HS6ST3: variants seen among roughly 807,000 people sequenced by gnomAD.
HS6ST3 encodes the protein heparan-sulfate 6-O-sulfotransferase 3.
HS6ST3 carries 12 observed loss-of-function variants against 36.7 expected under a neutral mutation model. The ratio of observed to expected loss-of-function variants is 0.33; its 90% CI spans 0.21 to 0.53. HS6ST3 has a LOEUF of 0.53. Ranked by LOEUF, HS6ST3 falls within the 20% of genes least tolerant of loss-of-function variation. The probability of loss-of-function intolerance (pLI) is 0.95; values close to 1 mark genes in which losing one functional copy is unlikely to be tolerated. For missense variants in HS6ST3, 584 were observed against 640.9 expected (o/e 0.91, Z 0.96); for synonymous variants, 240 against 257.5 (o/e 0.93, Z 0.65).
intron 1 of HS6ST3, among the ~76,000 whole-genome samples, chr13:96,549,374 G>T (rs1283379329): frequency 6.6e-6 from 1 of 152,158 alleles, no homozygotes; most frequent in Non-Finnish European, 1.5e-5. Context: ...GGAAGAAATG[G>T]TGGCATGAGG....
intron 1 of HS6ST3, among the ~76,000 whole-genome samples, chr13:96,489,527 ATTT>A (rs1009811575): frequency 6.6e-6 from 1 of 152,052 alleles, no homozygotes; most frequent in African/African-American, 2.4e-5. Context: ...TCCTAGTGAA[ATTT>A]TTTATTTCCA....
At chr13:96,348,295 G>C (rs1345128254) in intron 1 of HS6ST3, among the ~76,000 whole-genome samples, 1 of 152,198 alleles carries the variant, frequency 6.6e-6, no homozygotes, top group Non-Finnish European at 1.5e-5. Context: ...AAATTCATTA[G>C]AGTCAAGTTG....
At chr13:96,153,459 C>A (rs774713824) in intron 1 of HS6ST3, among the ~76,000 whole-genome samples, 1 of 152,120 alleles carries the variant, frequency 6.6e-6, no homozygotes, top group South Asian at 2.1e-4. Context: ...GTCTCTTCCC[C>A]CTCTGAGCCA....
At chr13:96,693,462 A>G (rs611830) in intron 1 of HS6ST3, among the ~76,000 whole-genome samples, 149,886 of 152,162 alleles carry the variant, frequency 0.99, 73,859 homozygotes, top group Middle Eastern at 1. Context: ...GCACCACCAC[A>G]CCCAGCTAAT....
chr13:96,742,373 G>A (rs1876462062), intron 1 of HS6ST3, among the ~76,000 whole-genome samples: 1 of 152,012 alleles, frequency 6.6e-6, no homozygotes, highest in Admixed American at 6.6e-5. Flanking sequence ...TTAATACAGA[G>A]ATATTCTTTT....
At chr13:96,254,713 A>C (rs956166393) in intron 1 of HS6ST3, among the ~76,000 whole-genome samples, 12 of 151,856 alleles carry the variant, frequency 7.9e-5, no homozygotes, top group African/African-American at 2.9e-4. Context: ...GAAGATATGG[A>C]AAACTCAAAG....
At chr13:96,742,132 C>A (rs970513360) in intron 1 of HS6ST3, among the ~76,000 whole-genome samples, 5 of 152,044 alleles carry the variant, frequency 3.3e-5, no homozygotes, top group Non-Finnish European at 7.4e-5. Context: ...ATGAATCCTA[C>A]ATAATATAAG....
intron 1 of HS6ST3, among the ~76,000 whole-genome samples, chr13:96,795,316 T>A (rs1196998329): frequency 6.6e-6 from 1 of 152,072 alleles, no homozygotes; most frequent in Non-Finnish European, 1.5e-5. Flanking sequence ...TAATCTTGTC[T>A]TTGTGCCAGG....
chr13:96,430,546 G>C (rs1381621279), intron 1 of HS6ST3, among the ~76,000 whole-genome samples: 3 of 152,192 alleles, frequency 2.0e-5, no homozygotes, highest in Non-Finnish European at 2.9e-5. Flanking sequence ...TCTATCCCAA[G>C]TGTCTAAGTT....
At chr13:96,828,601 A>G (rs1269777552) in intron 1 of HS6ST3, among the ~76,000 whole-genome samples, 1 of 152,144 alleles carries the variant, frequency 6.6e-6, no homozygotes, top group African/African-American at 2.4e-5. Context: ...TATCTCCCCA[A>G]ATCCTTAGTT....
intron 1 of HS6ST3, among the ~76,000 whole-genome samples, chr13:96,156,032 C>T (rs1877001371): frequency 6.6e-6 from 1 of 152,168 alleles, no homozygotes. Flanking sequence ...CTCTTTCTCT[C>T]TTCTCACAAT....
At chr13:96,389,944 A>G (rs1037944706) in intron 1 of HS6ST3, among the ~76,000 whole-genome samples, 7 of 152,200 alleles carry the variant, frequency 4.6e-5, no homozygotes, top group Non-Finnish European at 7.4e-5. Context: ...AAGGAAGCCA[A>G]TAAGAGGTCA....
At chr13:96,488,796 C>T (rs1034436420) in intron 1 of HS6ST3, among the ~76,000 whole-genome samples, 4 of 152,070 alleles carry the variant, frequency 2.6e-5, no homozygotes, top group South Asian at 4.1e-4. Flanking sequence ...AATGCTTCTA[C>T]TTCATTGTTC....
intron 1 of HS6ST3, among the ~76,000 whole-genome samples, chr13:96,690,942 C>T (rs1277384127): frequency 4.6e-5 from 7 of 152,054 alleles, no homozygotes; most frequent in Non-Finnish European, 1.0e-4. Context: ...CATAAAATGT[C>T]AAGTGTCTAG....
At chr13:96,221,084 C>T (rs1271075389) in intron 1 of HS6ST3, among the ~76,000 whole-genome samples, 1 of 152,110 alleles carries the variant, frequency 6.6e-6, no homozygotes, top group Non-Finnish European at 1.5e-5. Context: ...CTCAAATAGT[C>T]CCTCTGCCCT....
intron 1 of HS6ST3, among the ~76,000 whole-genome samples, chr13:96,773,868 G>A (rs1258975330): frequency 6.6e-6 from 1 of 152,156 alleles, no homozygotes; most frequent in Non-Finnish European, 1.5e-5. Flanking sequence ...CCTGACCCCT[G>A]TGTCTCCTGA....
In HS6ST3 at chr13:96,433,884, G is replaced by C. The variant is rs189384941; in HGVS notation, c.707+342315G>C. On this transcript the variant is annotated intron_variant, in intron 1 of 1. Coordinates refer to ENST00000376705, the MANE Select transcript of HS6ST3 (RefSeq NM_153456.4). ...CTGGAGGCGGAGGCTGCAGTGAGCCGAGGTCATGCCATTGCACTCCAGCCT... is the reference window on the plus strand; with the variant it reads ...CTGGAGGCGGAGGCTGCAGTGAGCCCAGGTCATGCCATTGCACTCCAGCCT... 3.9e-5 allele frequency among the ~76,000 whole-genome samples: 6 copies of C among 152,294 alleles called. No homozygotes were observed. The South Asian group carries it at 1.2e-3, about 32-fold the overall frequency.
At chr13:96,499,838 A>C (rs1296064639) in intron 1 of HS6ST3, among the ~76,000 whole-genome samples, 1 of 152,196 alleles carries the variant, frequency 6.6e-6, no homozygotes, top group Non-Finnish European at 1.5e-5. Flanking sequence ...CTGGGCGTCC[A>C]GGCTGAACGC....
At chr13:96,356,686 G>T (rs1759589452) in intron 1 of HS6ST3, among the ~76,000 whole-genome samples, 1 of 152,188 alleles carries the variant, frequency 6.6e-6, no homozygotes, top group South Asian at 2.1e-4. Context: ...AGCACAGGTA[G>T]AGTAGATTTA....
Sources: gnomAD v4.1 joint callset for allele counts (sites outside exome capture counted in the v4.1 genomes callset) on GRCh38, gnomAD v4.1.1 for gene constraint, MANE v1.5 for transcripts, NCBI Gene and HGNC (gene_info 2026-07-23, HGNC 2026-07-21) for gene names.